THPO: variants seen among roughly 807,000 people sequenced by gnomAD.
THPO encodes thrombopoietin.
In THPO, 12 loss-of-function variants were observed where a neutral mutation model predicts 17.0. The observed-to-expected ratio is 0.71, with a 90% CI of 0.45 to 1.14. THPO has a LOEUF of 1.14. Ranked by LOEUF, THPO falls within the 50% of genes most tolerant of loss-of-function variation. The pLI is 0.00. For synonymous variants in THPO, 188 were observed against 183.0 expected (o/e 1.03, Z -0.22); for missense variants, 365 against 427.5 (o/e 0.85, Z 1.29).
chr3:184,377,716 A>AT (rs1714537628), intron 1 of THPO, among the ~76,000 whole-genome samples: 1 of 152,174 alleles, frequency 6.6e-6, no homozygotes, highest in African/African-American at 2.4e-5. Context: ...CCTTAAGCTA[A>AT]CGAGGAATGA....
intron 4 of THPO, among the ~76,000 whole-genome samples, chr3:184,374,228 A>AAAT (rs890492920): frequency 1.3e-5 from 2 of 152,280 alleles, no homozygotes; most frequent in East Asian, 3.9e-4. Context: ...ACTCCGTCTC[A>AAAT]AATAATAATA....
At chr3:184,373,739 G>C (rs575468840) in intron 4 of THPO, among the ~76,000 whole-genome samples, 157 bp from the exon 5 acceptor site, 3 of 152,188 alleles carry the variant, frequency 2.0e-5, no homozygotes, top group African/African-American at 7.2e-5. Context: ...ACAGTCTCCC[G>C]ACAGCTGGTC....
chr3:184,379,169 G>A (rs901316588), upstream of THPO, among the ~76,000 whole-genome samples: 6 of 152,098 alleles, frequency 3.9e-5, no homozygotes, highest in South Asian at 2.1e-4. Context: ...GAATTTTCCC[G>A]TCCAGCCAGA....
Position 184,372,091 on chromosome 3 carries a change from T to C in THPO, c.*422A>G, listed in dbSNP as rs1412717625. On this transcript the variant is annotated 3_prime_UTR_variant, in exon 6 of 6. Transcript: ENST00000647395. ...GGGATCAGAGTCCCACTGAGAATGA[T>C]AGTAAAGGGGATGGGGGCGTTGGAA... 4.7e-6 allele frequency: 1 copy of C among 214,164 alleles called. No individual in the cohort carries two copies. The highest frequency in any genetic ancestry group is 1.0e-4 in the East Asian group (1 of 9,936). 13.3% of individuals were successfully genotyped at this position (214,164 alleles called of 1,614,324 possible).
At chr3:184,378,930 G>T (rs1206436714), upstream of THPO, 1 of 928,606 alleles carries the variant, frequency 1.1e-6, no homozygotes, top group Non-Finnish European at 1.3e-6. Context: ...ACAGCTGCTG[G>T]ACCTCCCCCG....
chr3:184,372,707 G>T lies in THPO; in HGVS notation c.868C>A (p.Pro290Thr). Reference sequence around the variant, plus strand: ...TGGGTTGGGGAAGGAGAATATCCAGGCTGGAGGTTGGGTGGCAGGGAGCCT... The same window carrying T: ...TGGGTTGGGGAAGGAGAATATCCAGTCTGGAGGTTGGGTGGCAGGGAGCCT... ...DTGSLPPNLQ[P>T]GYSPSPTHPP... is the part of the protein sequence containing the mutation. The change falls in exon 6 of 6, where the codon CCT (proline) becomes ACT (threonine). Residue 290 changes from proline to threonine, a missense_variant. Transcript: ENST00000647395. 1 of 1,613,724 alleles carries T rather than the reference G, an allele frequency of 6.2e-7. No individual in the cohort carries two copies. The highest frequency in any genetic ancestry group is 8.5e-7 in the Non-Finnish European group (1 of 1,179,674).
rs779250490 is a variant in THPO at position 184,375,570 on chromosome 3, G to A, written c.173C>T (p.Thr58Ile). 2.5e-6 allele frequency: 4 copies of A among 1,614,034 alleles called. No individual in the cohort carries two copies. The highest frequency in any genetic ancestry group is 1.7e-5 in the Admixed American group (1 of 60,000). ...GTCCACAGCAGGCAGCAGGACAGGT[G>A]TAGGCAAAGGGTGAACCTCTGGGCA... ...SQCPEVHPLPTPVLLPAVDFS... is the reference protein window; with the variant it reads ...SQCPEVHPLPIPVLLPAVDFS... Residue 58 changes from threonine to isoleucine, a missense_variant, in exon 4 of 6, where the codon ACA (threonine) becomes ATA (isoleucine). Thr to Ile is a moderately conservative substitution (Grantham distance 89). Coordinates refer to ENST00000647395, the MANE Select transcript of THPO (RefSeq NM_000460.4).
chr3:184,376,951 C>G (rs1249088555), intron 1 of THPO, among the ~76,000 whole-genome samples: 1 of 152,188 alleles, frequency 6.6e-6, no homozygotes, highest in African/African-American at 2.4e-5. Flanking sequence ...TTGGTGCCAC[C>G]TACCCCTGCT....
chr3:184,378,742 T>C, upstream of THPO: 1 of 957,496 alleles, frequency 1.0e-6, no homozygotes, highest in Non-Finnish European at 1.2e-6. Context: ...ACACGTGCAC[T>C]GGGTTAAGCC....
In THPO at chr3:184,376,681, C is replaced by T. The variant is rs116653321; in HGVS notation, c.-145-277G>A. Reference sequence around the variant, plus strand: ...CTAACATGGTGAAACCCCGGCTCTACGAAATACAAAAAAACTAGCAGGGTG... The same window carrying T: ...CTAACATGGTGAAACCCCGGCTCTATGAAATACAAAAAAACTAGCAGGGTG... On this transcript the variant is annotated intron_variant, in intron 1 of 5. Transcript: ENST00000647395. 8.6e-3 allele frequency among the ~76,000 whole-genome samples: 1,310 copies of T among 151,962 alleles called. 20 individuals carry two copies. The highest frequency in any genetic ancestry group is 0.03 in the African/African-American group (1,235 of 41,442).
Position 184,376,227 on chromosome 3 carries a change from C to A in THPO, c.13+20G>T, listed in dbSNP as rs752183604. 1.2e-6 allele frequency: 2 copies of A among 1,613,968 alleles called. No homozygotes were observed. Among genetic ancestry groups the A allele is most frequent in the African/African-American group, 2.7e-5 (2 of 74,916 alleles). On this transcript the variant is annotated intron_variant, in intron 2 of 5. Transcript: ENST00000647395. ...CTGTCATGTTTCCATATGGCCCTAG[C>A]CCCTCAGGTGTGTTCTCACCAGTCA...
At chr3:184,376,474 A>C in intron 1 of THPO, 70 bp from the exon 2 acceptor site, 1 of 1,431,652 alleles carries the variant, frequency 7.0e-7, no homozygotes, top group Admixed American at 2.6e-5. Context: ...GGGTGAACAG[A>C]TGCTGGGGAG....
chr3:184,375,774 T>C, intron 3 of THPO, 114 bp downstream of exon 3: 1 of 1,543,838 alleles, frequency 6.5e-7, no homozygotes, highest in Non-Finnish European at 8.9e-7. Context: ...GTGGGGACAA[T>C]ATGGGAAGAA....
At position 184,376,382 on chromosome 3, in the gene THPO, G is replaced by C. The variant is rs535707667; in HGVS notation, c.-123C>G. 4 of 1,606,014 alleles carry C rather than the reference G, an allele frequency of 2.5e-6. No individual in the cohort carries two copies. Among genetic ancestry groups the C allele is most frequent in the Non-Finnish European group, 3.4e-6 (4 of 1,177,546 alleles). On this transcript the variant is annotated 5_prime_UTR_variant, in exon 2 of 6. Transcript: ENST00000647395. ...GGGCAGAGTAGGGTGGGGCAAAGGC[G>C]GGCCAAGGGTGAAGAATCTATCCTG...
At chr3:184,375,643 G>A (rs1714324375) in intron 3 of THPO, 42 bp from the exon 4 acceptor site, 21 of 1,601,274 alleles carry the variant, frequency 1.3e-5, no homozygotes, top group Non-Finnish European at 1.7e-5. Flanking sequence ...AGCTGAAATA[G>A]AGAGAGCTAT....
chr3:184,372,477 A>G lies in THPO; in HGVS notation c.*36T>C, dbSNP rs1335991132. 1.9e-6 allele frequency: 3 copies of G among 1,613,264 alleles called. No homozygotes were observed. The highest frequency in any genetic ancestry group is 2.7e-5 in the African/African-American group (2 of 75,030). The stretch of plus-strand genomic sequence containing the variant: ...CGCCCTGCAGGGAAGGGAGCTGTAC[A>G]CGAGACAATGCTGATGTCGGCAGTG... On this transcript the variant is annotated 3_prime_UTR_variant, in exon 6 of 6. Coordinates refer to ENST00000647395, the MANE Select transcript of THPO (RefSeq NM_000460.4).
rs1447030119 is a variant in THPO, at chr3:184,373,578, T to A, written c.233A>T (p.Glu78Val). 6.2e-7 allele frequency: 1 copy of A among 1,613,820 alleles called. No individual in the cohort carries two copies. Among genetic ancestry groups the A allele is most frequent in the East Asian group, 2.2e-5 (1 of 44,846 alleles). ...SLGEWKTQME[E>V]TKAQDILGAV... Reference sequence around the variant, plus strand: ...TCCCAGAATGTCCTGTGCCTTGGTCTCCTCCTGAGAAAGAGATGGAAGAGA... The same window carrying A: ...TCCCAGAATGTCCTGTGCCTTGGTCACCTCCTGAGAAAGAGATGGAAGAGA... The change falls in exon 5 of 6, where the codon GAG becomes GTG. Residue 78 changes from glutamate to valine, a missense_variant. Coordinates refer to ENST00000647395, the MANE Select transcript of THPO (RefSeq NM_000460.4).
At position 184,376,236 on chromosome 3, in the gene THPO, T is replaced by C. The variant is rs753474679; in HGVS notation, c.13+11A>G. 1.9e-6 allele frequency: 3 copies of C among 1,613,898 alleles called. No homozygotes were observed. Among genetic ancestry groups the C allele is most frequent in the Non-Finnish European group, 2.5e-6 (3 of 1,179,974 alleles). ...TTCCATATGGCCCTAGCCCCTCAGG[T>C]GTGTTCTCACCAGTCAGCTCCATTC... On this transcript the variant is annotated intron_variant, in intron 2 of 5. Coordinates refer to ENST00000647395, the MANE Select transcript of THPO (RefSeq NM_000460.4).
intron 1 of THPO, among the ~76,000 whole-genome samples, chr3:184,377,664 C>G (rs1714533920): frequency 6.6e-6 from 1 of 152,098 alleles, no homozygotes; most frequent in Admixed American, 6.6e-5. Context: ...CTCCTTGCGC[C>G]CTGGCTTGCC....
Sources: gnomAD v4.1 joint callset for allele counts (sites outside exome capture counted in the v4.1 genomes callset) on GRCh38, gnomAD v4.1.1 for gene constraint, MANE v1.5 for transcripts, NCBI Gene and HGNC (gene_info 2026-07-23, HGNC 2026-07-21) for gene names.